The following ZNF185 variants were observed in gnomAD, a reference collection of about 807,000 sequenced individuals.
ZNF185 encodes the protein zinc finger protein 185.
Under a neutral mutation model 58.6 loss-of-function variants are expected in ZNF185, and 56 were observed. The observed-to-expected ratio is 0.95, with a 90% CI of 0.77 to 1.19. The LOEUF (loss-of-function observed/expected upper bound fraction) is 1.19, where lower values mean the gene tolerates loss of function less well. ZNF185 is among the 50% of genes most tolerant of loss of function. The pLI, the probability that ZNF185 is intolerant of heterozygous loss-of-function variation, is 0.00. For missense variants in ZNF185, 627 were observed against 573.5 expected (o/e 1.09, Z -0.95); for synonymous variants, 230 against 215.9 (o/e 1.07, Z -0.57).
chrX:152,928,773 C>T, intron 12 of ZNF185, 112 bp downstream of exon 13: 1 of 774,962 alleles, frequency 1.3e-6, no homozygotes, highest in Admixed American at 3.4e-5. Context: ...ACTGTAGGGC[C>T]AACAGGTTGA....
At chrX:152,908,726 G>C in the ZNF185 span, among the ~76,000 whole-genome samples, 1 of 113,382 alleles carries the variant, frequency 8.8e-6, no homozygotes, top group Admixed American at 9.2e-5. Flanking sequence ...CGAGGCCGTC[G>C]TGCATGGGCT....
chrX:152,936,581 A>G lies in ZNF185; in HGVS notation c.1122-1493A>G, dbSNP rs879986943. On this transcript the variant is annotated intron_variant, in intron 14 of 22. Transcript: ENST00000449285. ...GACACAGCCTTTGGGGCCCAGCCTC[A>G]GCTGCAGCACCCCAGGATCCCCCTC... The G allele has an allele frequency of 2.7e-5, 26 of 973,290 alleles. No individual in the cohort carries two copies. The South Asian group carries it at 5.5e-4, about 21-fold the overall frequency. The allele number at this position is 973,290 out of a possible 1,213,427, so 80.2% of individuals were successfully genotyped here.
chrX:152,946,997 T>G, intron 16 of ZNF185, among the ~76,000 whole-genome samples: 1 of 111,604 alleles, frequency 9.0e-6, no homozygotes, highest in Non-Finnish European at 1.9e-5. Context: ...CAGGGGAGTA[T>G]ACGACGAGAC....
chrX:152,919,157 T>C, intron 7 of ZNF185, 76 bp downstream of exon 8: 5 of 823,071 alleles, frequency 6.1e-6, no homozygotes, highest in African/African-American at 2.0e-5. Context: ...CTGGAATGAA[T>C]TGTACTGGTT....
chrX:152,937,396 C>G (rs1373599625), intron 14 of ZNF185, among the ~76,000 whole-genome samples: 2 of 111,991 alleles, frequency 1.8e-5, no homozygotes, highest in South Asian at 3.7e-4. Context: ...GTGGCCAGCT[C>G]TCCCTTGCCT....
intron 15 of ZNF185, among the ~76,000 whole-genome samples, chrX:152,940,611 G>C (rs2047081885): frequency 9.0e-6 from 1 of 111,689 alleles, no homozygotes; most frequent in Non-Finnish European, 1.9e-5. Flanking sequence ...GCCGCCCTTA[G>C]AAGCAATAGA....
chrX:152,970,166 A>T lies in ZNF185; in HGVS notation c.1975-277A>T, dbSNP rs188614387. Among the ~76,000 whole-genome samples, 416 of 111,613 alleles carry T rather than the reference A, an allele frequency of 3.7e-3. 2 individuals carry two copies. Among genetic ancestry groups the T allele is most frequent in the African/African-American group, 0.013 (404 of 30,713 alleles). On this transcript the variant is annotated intron_variant, in intron 21 of 22. Coordinates refer to ENST00000449285, the Ensembl canonical transcript of ZNF185. ...AGGGAAACACATTTCTGGTCAAATC[A>T]TGCCAAACAGGTTCCCCTTTGCTTG...
At chrX:152,945,524 G>A (rs948343343) in intron 16 of ZNF185, 60 bp downstream of exon 18, 4 of 1,107,056 alleles carry the variant, frequency 3.6e-6, no homozygotes, top group South Asian at 4.2e-5. Context: ...TGAGGTCTGC[G>A]ACCCACATGG....
At chrX:152,927,678 G>A (rs1941130309) in intron 11 of ZNF185, among the ~76,000 whole-genome samples, 1 of 111,994 alleles carries the variant, frequency 8.9e-6, no homozygotes, top group Admixed American at 9.5e-5. Flanking sequence ...CTTGTCCACT[G>A]CTCCCATGGC....
chrX:152,900,931 C>T, the ZNF185 span, among the ~76,000 whole-genome samples: 2 of 112,559 alleles, frequency 1.8e-5, no homozygotes, highest in Non-Finnish European at 3.8e-5. Flanking sequence ...CCAGGAGCAC[C>T]TGCTGCACTG....
At chrX:152,907,943 G>A in the ZNF185 span, among the ~76,000 whole-genome samples, 5 of 112,836 alleles carry the variant, frequency 4.4e-5, no homozygotes, top group Admixed American at 4.7e-4. Context: ...GCCTAGAGTG[G>A]CTGTCCTGAC....
the ZNF185 span, among the ~76,000 whole-genome samples, chrX:152,904,323 A>G: frequency 8.9e-6 from 1 of 111,982 alleles, no homozygotes; most frequent in African/African-American, 3.2e-5. Flanking sequence ...GAAGTGCCCC[A>G]TCCCCCTGGA....
intron 14 of ZNF185, among the ~76,000 whole-genome samples, chrX:152,937,645 T>C (rs2046476010): frequency 8.9e-6 from 1 of 112,075 alleles, no homozygotes; most frequent in Non-Finnish European, 1.9e-5. Context: ...TTACAGACAA[T>C]AGTGGTTTAG....
chrX:152,914,095 G>C (rs1937830081), upstream of ZNF185, among the ~76,000 whole-genome samples: 1 of 111,063 alleles, frequency 9.0e-6, no homozygotes, highest in Non-Finnish European at 1.9e-5. Context: ...AGTGCCAGCT[G>C]TCTTCCCCAC....
At chrX:152,960,064 A>G in intron 17 of ZNF185, 168 bp downstream of exon 19, 1 of 446,160 alleles carries the variant, frequency 2.2e-6, no homozygotes, top group South Asian at 4.9e-5. Flanking sequence ...AGGGGTAGAT[A>G]TTCATGGGTT....
chrX:152,961,530 T>C lies in ZNF185; in HGVS notation c.1607+1634T>C, dbSNP rs186898930. On this transcript the variant is annotated intron_variant, in intron 17 of 22. Transcript: ENST00000449285. ...CCTTTGTTCCCCAGAGATTTTTTTTTCCCAAAGTGGCCATGAGTTTGGGAA... is the reference window on the plus strand; with the variant it reads ...CCTTTGTTCCCCAGAGATTTTTTTTCCCCAAAGTGGCCATGAGTTTGGGAA... Among the ~76,000 whole-genome samples, 6 of 111,355 alleles carry C rather than the reference T, an allele frequency of 5.4e-5. No homozygotes were observed. In the East Asian group the frequency reaches 1.7e-3, roughly 32 times the overall value.
chrX:152,970,395 C>T (rs1556918247), intron 21 of ZNF185, 48 bp from the exon 24 acceptor site: 1 of 1,155,848 alleles, frequency 8.7e-7, no homozygotes. Context: ...CCACTCATTC[C>T]TCTTGCTTTG....
At chrX:152,898,932 G>A in the ZNF185 span, among the ~76,000 whole-genome samples, 6 of 112,525 alleles carry the variant, frequency 5.3e-5, no homozygotes, top group Admixed American at 5.6e-4. Flanking sequence ...AGGTGCTCCT[G>A]CCTGATCTGC....
At chrX:152,969,515 A>AG in intron 21 of ZNF185, 31 bp downstream of exon 23, 1 of 1,103,202 alleles carries the variant, frequency 9.1e-7, no homozygotes, top group Non-Finnish European at 1.2e-6. Flanking sequence ...ACCTTGAGCT[A>AG]GGCGGTAACT....
Sources: allele counts gnomAD v4.1 joint callset (sites outside exome capture counted in the v4.1 genomes callset), GRCh38; gene constraint gnomAD v4.1.1; transcripts MANE v1.5; gene names NCBI Gene and HGNC (gene_info 2026-07-23, HGNC 2026-07-21).